Variants in RBBP6 observed in about 807,000 individuals in gnomAD.
The protein encoded by RBBP6 is E3 ubiquitin-protein ligase RBBP6.
A neutral mutation model predicts 167.7 loss-of-function variants in RBBP6; 25 were observed. That is an observed-to-expected ratio of 0.15 (90% CI 0.11 to 0.21). The LOEUF (loss-of-function observed/expected upper bound fraction) is 0.21. Ranked by LOEUF, RBBP6 falls within the 10% of genes least tolerant of loss-of-function variation. RBBP6 has a pLI of 1.00. For missense variants in RBBP6, 1,868 were observed against 2,134.2 expected, an observed-to-expected ratio of 0.88 and a Z score of 2.46; for synonymous variants, 789 against 735.8, an observed-to-expected ratio of 1.07 and a Z score of -1.17.
In RBBP6 at chr16:24,540,662, C is replaced by A. The variant is rs141709663; in HGVS notation, c.36C>A (p.Leu12=). The change falls in exon 1 of 18, where the codon CTC becomes CTA. Residue 12 remains leucine, a synonymous_variant. Transcript: ENST00000319715. ...TGCATTATAAATTTTCCTCTAAACT[C>A]AACTATGATACCGTCACCTTTGATG... ...SCVHYKFSSK[L]NYDTVTFDGL... is the part of the protein sequence containing the mutation. The A allele has an allele frequency of 8.1e-4, 1,310 of 1,614,088 alleles. 4 individuals are homozygous for A. Among genetic ancestry groups the A allele is most frequent in the Admixed American group, 5.8e-3 (350 of 60,012 alleles).
chr16:24,556,462 T>C lies in RBBP6; in HGVS notation c.674+15T>C, dbSNP rs1234956347. ...ACTATAGATGCGTAAGTATGCAAATTAGGTATGACCTGTGGAGACTCCAGT... is the reference window on the plus strand; with the variant it reads ...ACTATAGATGCGTAAGTATGCAAATCAGGTATGACCTGTGGAGACTCCAGT... On this transcript the variant is annotated intron_variant, in intron 7 of 17. Coordinates refer to ENST00000319715, the MANE Select transcript of RBBP6 (RefSeq NM_006910.5). The C allele has an allele frequency of 6.2e-7, 1 of 1,610,578 alleles. No individual in the cohort carries two copies. Among genetic ancestry groups the C allele is most frequent in the South Asian group, 1.1e-5 (1 of 90,912 alleles).
In RBBP6 at chr16:24,570,959, A is replaced by C; in HGVS notation, c.3893A>C (p.Glu1298Ala). The part of the protein sequence containing the change: ...TKRTVIKTME[E>A]YNNDNTAPAE... ...CGAACTGTGATTAAAACGATGGAAG[A>C]ATATAATAATGACAATACCGCGCCA... Residue 1298 changes from glutamate to alanine, a missense_variant, in exon 18 of 18, where the codon GAA (glutamate) becomes GCA (alanine). This residue lies in a region of RBBP6 where 19 missense variants were observed against 40.5 expected (regional missense o/e 0.47). Transcript: ENST00000319715. 6.2e-7 allele frequency: 1 copy of C among 1,608,212 alleles called. No individual in the cohort carries two copies. The highest frequency in any genetic ancestry group is 8.5e-7 in the Non-Finnish European group (1 of 1,175,448).
intron 1 of RBBP6, among the ~76,000 whole-genome samples, chr16:24,542,433 T>C (rs1161151215): frequency 2.6e-5 from 4 of 151,858 alleles, no homozygotes; most frequent in Non-Finnish European, 5.9e-5. Context: ...TATCCATCTT[T>C]TCGACCCAAC....
At chr16:24,564,776 A>ATTTTTTTT in intron 13 of RBBP6, 21 bp from the exon 14 acceptor site, 1 of 1,576,548 alleles carries the variant, frequency 6.3e-7, no homozygotes, top group Non-Finnish European at 8.7e-7. Context: ...ACTTGAGCCT[A>ATTTTTTTT]TTTTTTTTTC....
intron 7 of RBBP6, among the ~76,000 whole-genome samples, chr16:24,557,148 G>A (rs544597472): frequency 2.2e-4 from 33 of 151,902 alleles, no homozygotes; most frequent in Admixed American, 2.0e-3. Context: ...ACAGGCGCCC[G>A]CCACCACGCC....
At chr16:24,557,286 A>G (rs1438556788) in intron 7 of RBBP6, among the ~76,000 whole-genome samples, 1 of 152,078 alleles carries the variant, frequency 6.6e-6, no homozygotes, top group Non-Finnish European at 1.5e-5. Flanking sequence ...CTGGCCCTTA[A>G]TGCCCATTTT....
chr16:24,563,527 C>A, intron 12 of RBBP6, 26 bp downstream of exon 12: 4 of 1,611,518 alleles, frequency 2.5e-6, no homozygotes, highest in African/African-American at 1.3e-5. Flanking sequence ...TTGGTTTAGA[C>A]CTTTTTCCCT....
In RBBP6 at chr16:24,541,208, A is replaced by C. The variant is rs1276901025; in HGVS notation, c.166+416A>C. Reference sequence around the variant, plus strand: ...AAAAAAAAAACAAAAAAAAAACCAAAAAAACAATTTTCTAACCTAACAACA... The same window carrying C: ...AAAAAAAAAACAAAAAAAAAACCAACAAAACAATTTTCTAACCTAACAACA... On this transcript the variant is annotated intron_variant, in intron 1 of 17. Transcript: ENST00000319715. Among the ~76,000 whole-genome samples, 23 of 150,124 alleles carry C rather than the reference A, an allele frequency of 1.5e-4. No homozygotes were observed. The East Asian group carries it at 3.7e-3, about 24-fold the overall frequency.
At chr16:24,549,233 G>A in intron 3 of RBBP6, 1 of 1,388,132 alleles carries the variant, frequency 7.2e-7, no homozygotes, top group Non-Finnish European at 9.3e-7. Context: ...ATCCCTGTAT[G>A]ACACTGTGTT....
Position 24,559,592 on chromosome 16 carries a change from A to G in RBBP6, c.762A>G (p.Pro254=). Reference sequence around the variant, plus strand: ...CCTCAGAAGAAGATGATCCTATCCCAGATGAATTGTTGTGTCTCATCTGCA... The same window carrying G: ...CCTCAGAAGAAGATGATCCTATCCCGGATGAATTGTTGTGTCTCATCTGCA... ...SSSSEEDDPI[P]DELLCLICKD... is the part of the protein sequence containing the mutation. Residue 254 remains proline, a synonymous_variant, in exon 8 of 18, where the codon CCA becomes CCG. Transcript: ENST00000319715. 2 of 1,607,972 alleles carry G rather than the reference A, an allele frequency of 1.2e-6. No individual in the cohort carries two copies. The highest frequency in any genetic ancestry group is 1.7e-6 in the Non-Finnish European group (2 of 1,177,060).
intron 8 of RBBP6, among the ~76,000 whole-genome samples, chr16:24,561,047 T>G (rs554559750): frequency 0.27 from 40,499 of 152,048 alleles, 5,437 homozygotes; most frequent in Admixed American, 0.33. Flanking sequence ...AATCTTCGTA[T>G]CTGTAATTTA....
At position 24,540,437 on chromosome 16, in the gene RBBP6, C is replaced by A; in HGVS notation, c.-190C>A. ...TCCCCCATGAAGTGATTCTGAGTAT[C>A]GGGGGGTCTCTGGATTATTGTTCTG... On this transcript the variant is annotated 5_prime_UTR_variant, in exon 1 of 18. Coordinates refer to ENST00000319715, the MANE Select transcript of RBBP6 (RefSeq NM_006910.5). 2.0e-6 allele frequency: 1 copy of A among 489,286 alleles called. No individual in the cohort carries two copies. Among genetic ancestry groups the A allele is most frequent in the Non-Finnish European group, 3.6e-6 (1 of 279,658 alleles). 30.3% of individuals were successfully genotyped at this position (489,286 alleles called of 1,614,324 possible).
chr16:24,567,597 A>G, intron 15 of RBBP6, 92 bp downstream of exon 15: 1 of 1,417,750 alleles, frequency 7.1e-7, no homozygotes, highest in Non-Finnish European at 9.5e-7. Context: ...CAGTGTTTCC[A>G]GTTAGTATGA....
chr16:24,556,010 C>A, intron 6 of RBBP6, 93 bp downstream of exon 6: 1 of 1,161,712 alleles, frequency 8.6e-7, no homozygotes, highest in Non-Finnish European at 1.2e-6. Flanking sequence ...ATACTGCCTT[C>A]TGTAGACAAT....
chr16:24,562,893 C>T (rs1899100484), intron 10 of RBBP6, among the ~76,000 whole-genome samples: 2 of 152,130 alleles, frequency 1.3e-5, no homozygotes, highest in Non-Finnish European at 2.9e-5. Context: ...AAACTTAACT[C>T]TTAATCCTAG....
intron 1 of RBBP6, among the ~76,000 whole-genome samples, chr16:24,545,289 GT>G (rs1898615065): frequency 6.6e-6 from 1 of 152,080 alleles, no homozygotes; most frequent in Non-Finnish European, 1.5e-5. Context: ...AGCCAGGATG[GT>G]CTTAATCTCC....
chr16:24,572,214 C>A lies in RBBP6; in HGVS notation c.5148C>A (p.Ser1716Arg). ...PSGSQTRSHS[S>R]SASSAESQDS... is the part of the protein sequence containing the mutation. Reference sequence around the variant, plus strand: ...GAAGCCAGACCCGAAGCCACAGTAGCAGTGCCAGCTCAGCAGAAAGTCAGG... The same window carrying A: ...GAAGCCAGACCCGAAGCCACAGTAGAAGTGCCAGCTCAGCAGAAAGTCAGG... Residue 1716 changes from serine to arginine, a missense_variant, in exon 18 of 18, where the codon AGC becomes AGA. Around this residue, in one of 7 missense-constraint regions of RBBP6, gnomAD observed 591 missense variants for 540.5 expected, o/e 1.09. Transcript: ENST00000319715. 1 of 1,613,938 alleles carries A rather than the reference C, an allele frequency of 6.2e-7. No individual in the cohort carries two copies. Among genetic ancestry groups the A allele is most frequent in the African/African-American group, 1.3e-5 (1 of 74,954 alleles).
rs1352642791 is a variant in RBBP6 at position 24,545,618 on chromosome 16, TTAAG to T, written c.167-542_167-539del. Among the ~76,000 whole-genome samples the T allele has an allele frequency of 1.5e-3, 228 of 152,302 alleles. 3 individuals carry two copies. Among genetic ancestry groups the T allele is most frequent in the Non-Finnish European group, 4.7e-4 (32 of 68,008 alleles). Reference sequence around the variant, plus strand: ...CTGTATCTGGCTGGGTTCTCAGTCTTTAAGTATCCAGTAGAAGTTCCTCCAAGGG... The same window carrying T: ...CTGTATCTGGCTGGGTTCTCAGTCTTTATCCAGTAGAAGTTCCTCCAAGGG... On this transcript the variant is annotated intron_variant, in intron 1 of 17. Coordinates refer to ENST00000319715, the MANE Select transcript of RBBP6 (RefSeq NM_006910.5).
chr16:24,541,319 T>A (rs1479914392), intron 1 of RBBP6, among the ~76,000 whole-genome samples: 2 of 152,178 alleles, frequency 1.3e-5, no homozygotes, highest in African/African-American at 4.8e-5. Context: ...GTGTTGTGGA[T>A]AAGGGATCTG....
Sources: allele counts gnomAD v4.1 joint callset (sites outside exome capture counted in the v4.1 genomes callset), GRCh38; gene constraint gnomAD v4.1.1; regional missense constraint gnomAD v4.1.1; transcripts MANE v1.5; gene names NCBI Gene and HGNC (gene_info 2026-07-23, HGNC 2026-07-21).